Variants in PCDHGA6 observed in about 807,000 individuals in gnomAD.
PCDHGA6 encodes protocadherin gamma-A6.
In PCDHGA6, 41 loss-of-function variants were observed where a neutral mutation model predicts 60.6. The ratio of observed to expected loss-of-function variants is 0.68; its 90% CI spans 0.53 to 0.88. PCDHGA6 has a LOEUF of 0.88. Among genes scored for constraint, PCDHGA6 ranks in the 40% least tolerant of loss-of-function variants. The pLI, the probability that PCDHGA6 is intolerant of heterozygous loss-of-function variation, is 0.00. For missense variants in PCDHGA6, 1,312 were observed against 1,203.0 expected, an observed-to-expected ratio of 1.09 and a Z score of -1.34; for synonymous variants, 594 against 524.4, an observed-to-expected ratio of 1.13 and a Z score of -1.81.
intron 1 of PCDHGA6, among the ~76,000 whole-genome samples, chr5:141,380,312 T>C (rs1776368746): frequency 6.6e-6 from 1 of 152,162 alleles, no homozygotes; most frequent in Middle Eastern, 3.2e-3. Context: ...TGCTTGAGAA[T>C]GAAAATCTAA....
chr5:141,477,031 A>G lies in PCDHGA6; in HGVS notation c.2425-17776A>G. 2 of 1,614,248 alleles carry G rather than the reference A, an allele frequency of 1.2e-6. No homozygotes were observed. The highest frequency in any genetic ancestry group is 2.2e-5 in the East Asian group (1 of 44,880). On this transcript the variant is annotated intron_variant, in intron 1 of 3. Transcript: ENST00000517434. This position sits in a 1 kb window ranked among gnomAD's most constrained non-coding sequence, Gnocchi z 4.9. ...TAGACCTTGTAACCGGGATGCTGAC[A>G]ATCAAGGGTCGGCTGGACTTCGAGG...
In PCDHGA6 at chr5:141,491,848, C is replaced by A; in HGVS notation, c.2425-2959C>A. 1 of 1,461,478 alleles carries A rather than the reference C, an allele frequency of 6.8e-7. No homozygotes were observed. Among genetic ancestry groups the A allele is most frequent in the Non-Finnish European group, 9.1e-7 (1 of 1,104,578 alleles). The allele number at this position is 1,461,478 out of a possible 1,614,324, so 90.5% of individuals were successfully genotyped here. A position where few individuals can be genotyped will look rare whatever the true frequency, so the allele number is the denominator to read the frequency against. On this transcript the variant is annotated intron_variant, in intron 1 of 3. Transcript: ENST00000517434. This position sits in a 1 kb window ranked among gnomAD's most constrained non-coding sequence, Gnocchi z 6.9. ...CACCCGATTCTCGGGATCATTGGAC[C>A]GTTTGCGCGAAACCAGAGTGGCCGA...
chr5:141,439,796 G>A (rs980000701), intron 1 of PCDHGA6: 1 of 152,318 alleles, frequency 6.6e-6, no homozygotes. Flanking sequence ...AATCCAAGAA[G>A]AGTTTGAAAA....
intron 1 of PCDHGA6, chr5:141,415,677 C>T (rs375781400): frequency 4.7e-6 from 7 of 1,499,248 alleles, no homozygotes; most frequent in Middle Eastern, 1.8e-4. Flanking sequence ...TTGAAGTTTG[C>T]GGCATGATGG....
intron 1 of PCDHGA6, among the ~76,000 whole-genome samples, chr5:141,438,036 C>T (rs1299733977): frequency 4.6e-5 from 7 of 152,026 alleles, no homozygotes; most frequent in South Asian, 2.1e-4. Flanking sequence ...CCACCATGCC[C>T]GACCACTTTG....
intron 1 of PCDHGA6, chr5:141,484,855 G>T (rs1178318896): frequency 3.9e-6 from 1 of 257,336 alleles, no homozygotes; most frequent in East Asian, 8.3e-5. Context: ...GTTTTTTGGG[G>T]GGTGGGGGAG....
At chr5:141,401,610 A>AC (rs1186420148) in intron 1 of PCDHGA6, among the ~76,000 whole-genome samples, 1 of 152,212 alleles carries the variant, frequency 6.6e-6, no homozygotes, top group Non-Finnish European at 1.5e-5. Flanking sequence ...GGAAAAAGAC[A>AC]CCGGATTTGT....
chr5:141,374,437 C>T lies in PCDHGA6; in HGVS notation c.354C>T (p.Pro118=). ...TCGAGGATAAACTGAATCTTTATCC[C>T]GTGGAAGTGGAAATAGTGGACATTA... ...ILVEDKLNLY[P]VEVEIVDIND... is the part of the protein sequence containing the mutation. Residue 118 remains proline, a synonymous_variant, in exon 1 of 4, where the codon CCC becomes CCT. Transcript: ENST00000517434. 1.2e-6 allele frequency: 2 copies of T among 1,613,846 alleles called. No individual in the cohort carries two copies. The highest frequency in any genetic ancestry group is 1.7e-6 in the Non-Finnish European group (2 of 1,179,816).
chr5:141,404,079 C>G lies in PCDHGA6; in HGVS notation c.2424+27572C>G, dbSNP rs768434673. On this transcript the variant is annotated intron_variant, in intron 1 of 3. Transcript: ENST00000517434. ...CTTTTCAATGCTCATGACCGAGACT[C>G]CGGGAAGAATGGTCAAGTTGTCTGT... 3.1e-6 allele frequency: 5 copies of G among 1,613,568 alleles called. No homozygotes were observed. In the East Asian group the frequency reaches 1.1e-4, roughly 36 times the overall value.
intron 1 of PCDHGA6, among the ~76,000 whole-genome samples, chr5:141,434,902 C>T (rs1591355042): frequency 6.6e-6 from 1 of 151,934 alleles, no homozygotes; most frequent in East Asian, 1.9e-4. Flanking sequence ...CCCCTTCCCT[C>T]ATACCTTATT....
chr5:141,379,889 C>CTTTTTTTTTTTGTTTT (rs1775949907), intron 1 of PCDHGA6, among the ~76,000 whole-genome samples: 1 of 50,830 alleles, frequency 2.0e-5, no homozygotes, highest in Non-Finnish European at 3.9e-5. Flanking sequence ...GTGAAAGCCT[C>CTTTTTTTTTTTGTTTT]TTTTTTTTTT....
chr5:141,399,109 A>G (rs1346301996), intron 1 of PCDHGA6: 4 of 1,613,714 alleles, frequency 2.5e-6, no homozygotes, highest in Admixed American at 3.3e-5. Context: ...TGCACAATGT[A>G]CAGTTGAAAT....
intron 1 of PCDHGA6, among the ~76,000 whole-genome samples, chr5:141,463,025 T>G (rs2099051289): frequency 6.6e-6 from 1 of 152,202 alleles, no homozygotes; most frequent in Non-Finnish European, 1.5e-5. Flanking sequence ...ACTTTTTTGA[T>G]TAATCTGAGT....
intron 3 of PCDHGA6, among the ~76,000 whole-genome samples, chr5:141,505,729 G>A (rs1026403192): frequency 7.9e-5 from 12 of 152,286 alleles, no homozygotes; most frequent in African/African-American, 2.9e-4. Flanking sequence ...AGGGAATAGT[G>A]GTTACAAGTC....
intron 1 of PCDHGA6, among the ~76,000 whole-genome samples, chr5:141,450,006 CTTTTT>C (rs1554136305): frequency 1.5e-5 from 2 of 132,980 alleles, no homozygotes; most frequent in African/African-American, 2.8e-5. Flanking sequence ...TGCCATGTCT[CTTTTT>C]TTTTTTTTTT....
At chr5:141,420,208 A>G (rs1396340813) in intron 1 of PCDHGA6, 1 of 1,612,970 alleles carries the variant, frequency 6.2e-7, no homozygotes, top group Non-Finnish European at 8.5e-7. Flanking sequence ...ACCTCAACAA[A>G]GATAGCATGC....
At chr5:141,419,796 T>A in intron 1 of PCDHGA6, 1 of 1,614,026 alleles carries the variant, frequency 6.2e-7, no homozygotes. Flanking sequence ...CTAGTCGCTG[T>A]AAGAGATGGA....
chr5:141,395,556 G>A (rs1041230837), intron 1 of PCDHGA6: 1 of 97,434 alleles, frequency 1.0e-5, no homozygotes, highest in East Asian at 1.8e-4. Context: ...GTGTGTGTGT[G>A]TGTGTGTGTG....
Position 141,421,478 on chromosome 5 carries a change from G to A in PCDHGA6, c.2424+44971G>A, listed in dbSNP as rs763769838. The A allele has an allele frequency of 2.5e-6, 4 of 1,614,012 alleles. No individual in the cohort carries two copies. In the African/African-American group the frequency reaches 4.0e-5, roughly 16 times the overall value. On this transcript the variant is annotated intron_variant, in intron 1 of 3. Coordinates refer to ENST00000517434, the MANE Select transcript of PCDHGA6 (RefSeq NM_018919.3). ...TTCGCTGTGAATCCGCGAAGCGGCA[G>A]CTTGATCACGGCAGGCAGGATAGAC... is the stretch of plus-strand genomic sequence containing the variant.
Sources: allele counts gnomAD v4.1 joint callset (sites outside exome capture counted in the v4.1 genomes callset), GRCh38; gene constraint gnomAD v4.1.1; non-coding constraint Gnocchi (gnomAD v3.1); transcripts MANE v1.5; gene names NCBI Gene and HGNC (gene_info 2026-07-23, HGNC 2026-07-21).